The following ARHGAP17 variants were observed in gnomAD, a reference collection of about 807,000 sequenced individuals.
ARHGAP17 encodes Rho GTPase activating protein 17, also known as rho GTPase-activating protein 17.
Under a neutral mutation model 99.5 loss-of-function variants are expected in ARHGAP17, and 57 were observed. That is an observed-to-expected ratio of 0.57 (90% CI 0.46 to 0.71). The LOEUF is 0.71. ARHGAP17 is among the 30% of genes least tolerant of loss of function. The pLI is 0.00. For missense variants in ARHGAP17, 1,000 were observed against 1,122.4 expected, an observed-to-expected ratio of 0.89 and a Z score of 1.56; for synonymous variants, 417 against 429.6, an observed-to-expected ratio of 0.97 and a Z score of 0.36.
At chr16:24,967,743 G>A (rs1035582435) in intron 6 of ARHGAP17, among the ~76,000 whole-genome samples, 9 of 139,240 alleles carry the variant, frequency 6.5e-5, no homozygotes, top group Non-Finnish European at 1.1e-4. Flanking sequence ...AGCTATGATC[G>A]CACCAGCCTG....
chr16:24,996,968 C>A (rs1270338726), intron 1 of ARHGAP17, among the ~76,000 whole-genome samples: 1 of 152,042 alleles, frequency 6.6e-6, no homozygotes, highest in East Asian at 1.9e-4. Context: ...TCATGTCACA[C>A]AAGTTACTCA....
At chr16:24,975,128 G>A (rs1029784728) in intron 3 of ARHGAP17, among the ~76,000 whole-genome samples, 3 of 152,198 alleles carry the variant, frequency 2.0e-5, no homozygotes, top group South Asian at 2.1e-4. Flanking sequence ...ACTCCAGCAC[G>A]GACAACAGAG....
intron 10 of ARHGAP17, among the ~76,000 whole-genome samples, chr16:24,954,266 C>G (rs959572892): frequency 3.3e-5 from 5 of 152,138 alleles, no homozygotes; most frequent in Admixed American, 3.3e-4. Flanking sequence ...CCCATTAGTG[C>G]GTCACGAAAT....
intron 1 of ARHGAP17, among the ~76,000 whole-genome samples, chr16:24,991,055 T>C (rs893643051): frequency 6.6e-5 from 10 of 152,150 alleles, no homozygotes; most frequent in South Asian, 4.2e-4. Flanking sequence ...AAAAACAGAG[T>C]GATACCCAAT....
intron 19 of ARHGAP17, among the ~76,000 whole-genome samples, chr16:24,928,063 T>C (rs2152442725): frequency 6.6e-6 from 1 of 152,358 alleles, no homozygotes; most frequent in East Asian, 1.9e-4. Context: ...TTTGTCCATC[T>C]AAAGTTTTCT....
chr16:24,994,914 G>A (rs1242568217), intron 1 of ARHGAP17, among the ~76,000 whole-genome samples: 3 of 152,118 alleles, frequency 2.0e-5, no homozygotes, highest in Non-Finnish European at 1.5e-5. Flanking sequence ...ACATACCCAC[G>A]TCTCTGTAAT....
Position 24,953,055 on chromosome 16 carries a change from A to G in ARHGAP17, c.853-13T>C, listed in dbSNP as rs1420432602. 1.9e-6 allele frequency: 3 copies of G among 1,613,100 alleles called. No homozygotes were observed. The highest frequency in any genetic ancestry group is 2.7e-5 in the African/African-American group (2 of 74,906). ...TTCGGAAAAGGCCCTAAAGATAATG[A>G]AAAGCCATCAGCATCAAGTGCAGGT... On this transcript the variant is annotated splice_polypyrimidine_tract_variant and intron_variant, in intron 10 of 19. Coordinates refer to ENST00000289968, the MANE Select transcript of ARHGAP17 (RefSeq NM_001006634.3).
intron 1 of ARHGAP17, among the ~76,000 whole-genome samples, chr16:24,997,055 A>G (rs540686053): frequency 1.3e-5 from 2 of 152,378 alleles, no homozygotes; most frequent in South Asian, 4.1e-4. Flanking sequence ...TGGGTATTAA[A>G]CAAGTCAATA....
chr16:24,943,743 C>A lies in ARHGAP17; in HGVS notation c.1333+28G>T, dbSNP rs557749787. On this transcript the variant is annotated intron_variant, in intron 15 of 19. Transcript: ENST00000289968. ...TTGTACGATTATCACATTGCTTTGG[C>A]GGTCAATGAAACTGAAGTGAGAATT... is the stretch of plus-strand genomic sequence containing the variant. The A allele has an allele frequency of 5.7e-6, 9 of 1,586,950 alleles. No individual in the cohort carries two copies. The East Asian group carries it at 2.0e-4, about 36-fold the overall frequency.
At chr16:25,009,826 A>AT (rs1416073949) in intron 1 of ARHGAP17, among the ~76,000 whole-genome samples, 1 of 152,132 alleles carries the variant, frequency 6.6e-6, no homozygotes, top group African/African-American at 2.4e-5. Flanking sequence ...AATAAGTAAC[A>AT]TCACCTCAGA....
chr16:25,008,790 T>C (rs565887979), intron 1 of ARHGAP17, among the ~76,000 whole-genome samples: 2 of 152,354 alleles, frequency 1.3e-5, no homozygotes, highest in South Asian at 4.1e-4. Flanking sequence ...GGTTCAAATT[T>C]ACAGATGAAA....
chr16:24,927,664 A>G (rs545454435), intron 19 of ARHGAP17: 4 of 1,177,664 alleles, frequency 3.4e-6, no homozygotes, highest in Admixed American at 3.3e-5. Context: ...GCATTGGCCA[A>G]TCAGGTGCCT....
In ARHGAP17 at chr16:25,015,261, T is replaced by TGGC; in HGVS notation, c.-3_-1dup. 7.5e-7 allele frequency: 1 copy of TGGC among 1,339,336 alleles called. No homozygotes were observed. Among genetic ancestry groups the TGGC allele is most frequent in the Non-Finnish European group, 9.7e-7 (1 of 1,034,530 alleles). The allele number at this position is 1,339,336 out of a possible 1,614,324, so 83.0% of individuals were successfully genotyped here. On this transcript the variant is annotated 5_prime_UTR_variant, in exon 1 of 20. Coordinates refer to ENST00000289968, the MANE Select transcript of ARHGAP17 (RefSeq NM_001006634.3). ...TTCATGCGGTTGAACTGCTTCTTCA[T>TGGC]GGCGGCGGTGGCGGCGGCGGCCCGC...
chr16:24,928,910 T>G (rs995857871), intron 19 of ARHGAP17, among the ~76,000 whole-genome samples: 2 of 152,330 alleles, frequency 1.3e-5, no homozygotes, highest in Middle Eastern at 3.4e-3. Context: ...CGGAAGATTT[T>G]TTTTAATTTT....
chr16:24,947,255 G>A (rs1453084794), intron 14 of ARHGAP17, among the ~76,000 whole-genome samples: 4 of 152,198 alleles, frequency 2.6e-5, no homozygotes, highest in African/African-American at 9.7e-5. Context: ...CTAAGAGCAG[G>A]GGCATTTTGA....
At chr16:25,009,764 T>C (rs749440854) in intron 1 of ARHGAP17, among the ~76,000 whole-genome samples, 5 of 152,164 alleles carry the variant, frequency 3.3e-5, no homozygotes, top group African/African-American at 4.8e-5. Context: ...GCTCTGTCTC[T>C]TGCGAGCTTG....
intron 17 of ARHGAP17, among the ~76,000 whole-genome samples, chr16:24,938,158 T>C (rs1022348854): frequency 6.6e-6 from 1 of 152,138 alleles, no homozygotes; most frequent in African/African-American, 2.4e-5. Context: ...GGTCAGGAGT[T>C]TGAGACCAGC....
At chr16:24,939,869 T>A (rs2051263792) in intron 16 of ARHGAP17, 2 of 492,934 alleles carry the variant, frequency 4.1e-6, no homozygotes, top group East Asian at 3.9e-5. Flanking sequence ...TCATCTTGAA[T>A]GACATCATGT....
chr16:24,973,382 T>C (rs954602677), intron 3 of ARHGAP17, among the ~76,000 whole-genome samples: 1 of 152,198 alleles, frequency 6.6e-6, no homozygotes. Flanking sequence ...TCTAGAGCCC[T>C]GGAGACTGCT....
Sources: gnomAD v4.1 joint callset for allele counts (sites outside exome capture counted in the v4.1 genomes callset) on GRCh38, gnomAD v4.1.1 for gene constraint, MANE v1.5 for transcripts, NCBI Gene and HGNC (gene_info 2026-07-23, HGNC 2026-07-21) for gene names.